ESRRB: variants seen among roughly 807,000 people sequenced by gnomAD.
ESRRB encodes estrogen related receptor beta.
A neutral mutation model predicts 46.0 loss-of-function variants in ESRRB; 16 were observed. The ratio of observed to expected loss-of-function variants is 0.35; its 90% CI spans 0.24 to 0.53. The LOEUF (loss-of-function observed/expected upper bound fraction) is 0.53, where lower values mean the gene tolerates loss of function less well. ESRRB is among the 20% of genes least tolerant of loss of function. ESRRB has a pLI of 0.93. For synonymous variants in ESRRB, 246 were observed against 259.6 expected, an observed-to-expected ratio of 0.95 and a Z score of 0.50; for missense variants, 488 against 607.4, an observed-to-expected ratio of 0.80 and a Z score of 2.07.
rs545640057 is a variant in ESRRB, at chr14:76,492,190, G to T, written c.1120+474G>T. Among the ~76,000 whole-genome samples, 6 of 152,328 alleles carry T rather than the reference G, an allele frequency of 3.9e-5. No individual in the cohort carries two copies. The South Asian group carries it at 8.3e-4, about 21-fold the overall frequency. The stretch of plus-strand genomic sequence containing the variant: ...TATTTATTTGTTTATTATAGACGGG[G>T]TCTTGTTCTGTCGCCCAGGTAGGAG... On this transcript the variant is annotated intron_variant, in intron 6 of 6. Coordinates refer to ENST00000644823, the MANE Select transcript of ESRRB (RefSeq NM_001379180.1).
intron 3 of ESRRB, among the ~76,000 whole-genome samples, chr14:76,468,356 T>C (rs968118743): frequency 9.9e-5 from 15 of 151,202 alleles, no homozygotes; most frequent in African/African-American, 3.4e-4. Context: ...GTGTGTTGCA[T>C]CCCTTTCGAG....
At chr14:76,495,973 C>G (rs1439054397) in intron 6 of ESRRB, among the ~76,000 whole-genome samples, 1 of 152,166 alleles carries the variant, frequency 6.6e-6, no homozygotes, top group African/African-American at 2.4e-5. Flanking sequence ...GCGTGTACTT[C>G]AGGGTCAGTG....
At chr14:76,398,158 G>A (rs1166419826) in intron 1 of ESRRB, among the ~76,000 whole-genome samples, 1 of 152,224 alleles carries the variant, frequency 6.6e-6, no homozygotes, top group Non-Finnish European at 1.5e-5. Flanking sequence ...CTATATGCCA[G>A]GCACAGTGTA....
At chr14:76,481,935 G>C in intron 3 of ESRRB, 81 bp from the exon 4 acceptor site, 1 of 1,337,460 alleles carries the variant, frequency 7.5e-7, no homozygotes, top group Non-Finnish European at 1.1e-6. Flanking sequence ...GACCCAGCCA[G>C]TGCTGAAATT....
At chr14:76,382,025 C>T (rs146902480) in intron 1 of ESRRB, among the ~76,000 whole-genome samples, 80 of 152,268 alleles carry the variant, frequency 5.3e-4, no homozygotes, top group African/African-American at 1.9e-3. Flanking sequence ...CTTTATAAGT[C>T]ATTGCTTAAC....
At chr14:76,492,241 GCA>G (rs1890260312) in intron 6 of ESRRB, among the ~76,000 whole-genome samples, 1 of 152,218 alleles carries the variant, frequency 6.6e-6, no homozygotes, top group Non-Finnish European at 1.5e-5. Flanking sequence ...CTAGCTCACT[GCA>G]GTCTCAAACT....
At chr14:76,403,216 T>C (rs1439570226) in intron 1 of ESRRB, among the ~76,000 whole-genome samples, 1 of 152,204 alleles carries the variant, frequency 6.6e-6, no homozygotes, top group African/African-American at 2.4e-5. Context: ...AGTGTCTCAT[T>C]TTACAGATAA....
At chr14:76,359,414 T>C (rs1884436632) in intron 1 of ESRRB, among the ~76,000 whole-genome samples, 1 of 152,252 alleles carries the variant, frequency 6.6e-6, no homozygotes, top group Non-Finnish European at 1.5e-5. Flanking sequence ...ATAACATTTA[T>C]TGAGCAATTA....
At chr14:76,479,924 G>C (rs191997631) in intron 3 of ESRRB, among the ~76,000 whole-genome samples, 10 of 152,316 alleles carry the variant, frequency 6.6e-5, no homozygotes, top group Non-Finnish European at 1.2e-4. Flanking sequence ...CTGGAGTGCA[G>C]TGGTGCAATC....
rs1351504135 is a variant in ESRRB, at chr14:76,500,916, A to G, written c.*2458A>G. 3.1e-6 allele frequency: 2 copies of G among 638,548 alleles called. No homozygotes were observed. Among genetic ancestry groups the G allele is most frequent in the Non-Finnish European group, 5.7e-6 (2 of 352,356 alleles). The allele number at this position is 638,548 out of a possible 1,614,324, so 39.6% of individuals were successfully genotyped here. ...CACAACAGGAAATGTGTCAGTAACA[A>G]TGGAACTCCATCCAATGGGAAAGTT... On this transcript the variant is annotated 3_prime_UTR_variant, in exon 7 of 7. Transcript: ENST00000644823.
intron 1 of ESRRB, chr14:76,407,646 C>T: frequency 1.1e-6 from 1 of 923,740 alleles, no homozygotes; most frequent in Non-Finnish European, 1.3e-6. Context: ...GATTCACACT[C>T]AGTCCAAAAC....
At chr14:76,337,540 G>A (rs571178846) in intron 1 of ESRRB, among the ~76,000 whole-genome samples, 3 of 152,282 alleles carry the variant, frequency 2.0e-5, no homozygotes, top group African/African-American at 7.2e-5. Flanking sequence ...AATGAGCAAT[G>A]GGTAGGTGTG....
At chr14:76,405,983 T>C (rs1346307209) in intron 1 of ESRRB, among the ~76,000 whole-genome samples, 2 of 152,240 alleles carry the variant, frequency 1.3e-5, no homozygotes, top group African/African-American at 4.8e-5. Flanking sequence ...TTTACGAATA[T>C]ACCATTAATG....
At chr14:76,399,554 A>G (rs1285369935) in intron 1 of ESRRB, among the ~76,000 whole-genome samples, 1 of 152,130 alleles carries the variant, frequency 6.6e-6, no homozygotes, top group Non-Finnish European at 1.5e-5. Context: ...TTCCGGGTGG[A>G]TTTAATGTTT....
At chr14:76,319,903 G>A (rs1009390919) in intron 1 of ESRRB, among the ~76,000 whole-genome samples, 5 of 152,058 alleles carry the variant, frequency 3.3e-5, no homozygotes, top group African/African-American at 4.8e-5. Context: ...CTAGAGACAC[G>A]ATGATACCAT....
chr14:76,415,462 C>G (rs768435489), intron 1 of ESRRB, among the ~76,000 whole-genome samples: 5 of 152,158 alleles, frequency 3.3e-5, no homozygotes, highest in Non-Finnish European at 5.9e-5. Context: ...GAGTTTGAGA[C>G]CAGCCTGGCC....
intron 1 of ESRRB, among the ~76,000 whole-genome samples, chr14:76,403,498 G>A (rs1566878566): frequency 6.6e-6 from 1 of 152,234 alleles, no homozygotes; most frequent in African/African-American, 2.4e-5. Flanking sequence ...GTATAATACT[G>A]TTAGGGAAGA....
rs1264399829 is a variant in ESRRB at position 76,343,759 on chromosome 14, C to T, written c.2+32843C>T. On this transcript the variant is annotated intron_variant, in intron 1 of 6. Transcript: ENST00000512784. ...CCTTGGAAATTATGCATCATCGTTTCCACTTCATTCTGTTGATTAAGCTAG... is the reference window on the plus strand; with the variant it reads ...CCTTGGAAATTATGCATCATCGTTTTCACTTCATTCTGTTGATTAAGCTAG... 1.3e-5 allele frequency among the ~76,000 whole-genome samples: 2 copies of T among 152,248 alleles called. 1 individual carries two copies. Among genetic ancestry groups the T allele is most frequent in the Admixed American group, 1.3e-4 (2 of 15,286 alleles).
chr14:76,450,774 G>C (rs1888352125), intron 2 of ESRRB, among the ~76,000 whole-genome samples: 1 of 152,196 alleles, frequency 6.6e-6, no homozygotes, highest in Admixed American at 6.5e-5. Flanking sequence ...GCAGAGACAA[G>C]AGCAGGAGAG....
Sources: allele counts gnomAD v4.1 joint callset (sites outside exome capture counted in the v4.1 genomes callset), GRCh38; gene constraint gnomAD v4.1.1; transcripts MANE v1.5; gene names NCBI Gene and HGNC (gene_info 2026-07-23, HGNC 2026-07-21).